Variants in UBE2E2 observed in about 807,000 individuals in gnomAD.
UBE2E2 encodes ubiquitin conjugating enzyme E2 E2.
Under a neutral mutation model 24.7 loss-of-function variants are expected in UBE2E2, and 6 were observed. The ratio of observed to expected loss-of-function variants is 0.24; its 90% CI spans 0.13 to 0.48. UBE2E2 has a LOEUF of 0.48. Ranked by LOEUF, UBE2E2 falls within the 20% of genes least tolerant of loss-of-function variation. The pLI, the probability that UBE2E2 is intolerant of heterozygous loss-of-function variation, is 0.99. For missense variants in UBE2E2, 169 were observed against 245.0 expected (o/e 0.69, Z 2.07); for synonymous variants, 104 against 83.6 (o/e 1.24, Z -1.33).
chr3:23,243,094 AAAAG>A (rs1429013379), intron 3 of UBE2E2, among the ~76,000 whole-genome samples: 27 of 142,474 alleles, frequency 1.9e-4, no homozygotes, highest in East Asian at 7.6e-4. Flanking sequence ...TCAAAAAAAA[AAAAG>A]AAAAGAAAAG....
chr3:23,356,109 C>T (rs1030176921), intron 3 of UBE2E2, among the ~76,000 whole-genome samples: 1 of 152,146 alleles, frequency 6.6e-6, no homozygotes, highest in East Asian at 1.9e-4. Context: ...ACCTGATGCT[C>T]AGTTAAACCT....
chr3:23,395,577 T>C (rs1388186764), intron 3 of UBE2E2, among the ~76,000 whole-genome samples: 9 of 152,222 alleles, frequency 5.9e-5, no homozygotes, highest in Admixed American at 4.6e-4. Context: ...TTCATCCTTC[T>C]GGTTTGTTGA....
intron 3 of UBE2E2, among the ~76,000 whole-genome samples, chr3:23,223,057 T>A (rs1210274802): frequency 1.6e-5 from 2 of 122,888 alleles, no homozygotes; most frequent in African/African-American, 6.1e-5. Context: ...TCTCTCTCTG[T>A]CACTCAGGCT....
chr3:23,372,669 C>CT (rs1309802898), intron 3 of UBE2E2, among the ~76,000 whole-genome samples: 4 of 151,972 alleles, frequency 2.6e-5, no homozygotes, highest in Non-Finnish European at 5.9e-5. Flanking sequence ...AGCTGCTTTT[C>CT]TTTTTTTTCT....
At chr3:23,373,995 G>T (rs1696459163) in intron 3 of UBE2E2, among the ~76,000 whole-genome samples, 1 of 152,094 alleles carries the variant, frequency 6.6e-6, no homozygotes, top group Non-Finnish European at 1.5e-5. Flanking sequence ...TCTTTTGTCA[G>T]GGATTCTTGT....
intron 3 of UBE2E2, among the ~76,000 whole-genome samples, chr3:23,370,952 T>G (rs1696383790): frequency 1.3e-5 from 2 of 152,156 alleles, no homozygotes; most frequent in Non-Finnish European, 2.9e-5. Flanking sequence ...TTTAAAAGAT[T>G]GGGTAGTAGT....
chr3:23,239,537 G>T (rs1697205045), intron 3 of UBE2E2, among the ~76,000 whole-genome samples: 1 of 152,050 alleles, frequency 6.6e-6, no homozygotes, highest in Admixed American at 6.6e-5. Flanking sequence ...ACAAGGTGTG[G>T]CCTTTTATAT....
intron 3 of UBE2E2, among the ~76,000 whole-genome samples, chr3:23,269,897 A>T (rs2125361687): frequency 6.6e-6 from 1 of 152,350 alleles, no homozygotes; most frequent in Non-Finnish European, 1.5e-5. Context: ...CATGTTTCTC[A>T]GCCGTAGCAG....
At chr3:23,467,704 T>C (rs1358248696) in intron 3 of UBE2E2, among the ~76,000 whole-genome samples, 2 of 152,212 alleles carry the variant, frequency 1.3e-5, no homozygotes, top group Admixed American at 1.3e-4. Context: ...TCTAAGTAGC[T>C]ATATTAGTAC....
intron 3 of UBE2E2, among the ~76,000 whole-genome samples, chr3:23,359,505 A>T (rs780901294): frequency 2.6e-5 from 4 of 152,186 alleles, no homozygotes; most frequent in Non-Finnish European, 5.9e-5. Context: ...TAACTTTTTC[A>T]TAATCTCTAT....
chr3:23,553,224 A>T (rs2125499757), intron 5 of UBE2E2, among the ~76,000 whole-genome samples: 1 of 152,258 alleles, frequency 6.6e-6, no homozygotes, highest in South Asian at 2.1e-4. Context: ...TCCCTTTTAT[A>T]GTATGATAGA....
intron 5 of UBE2E2, among the ~76,000 whole-genome samples, chr3:23,585,370 CAAAA>C (rs71620785): frequency 7.0e-5 from 6 of 86,114 alleles, no homozygotes; most frequent in African/African-American, 8.9e-5. Context: ...GACCCTGTCT[CAAAA>C]AAAAAAAAAA....
intron 3 of UBE2E2, among the ~76,000 whole-genome samples, chr3:23,403,988 C>T (rs1697293539): frequency 6.6e-6 from 1 of 152,162 alleles, no homozygotes; most frequent in Non-Finnish European, 1.5e-5. Flanking sequence ...TTCCTGTCTT[C>T]TCCCCATTGC....
At chr3:23,240,918 T>C (rs924561330) in intron 3 of UBE2E2, among the ~76,000 whole-genome samples, 1 of 152,218 alleles carries the variant, frequency 6.6e-6, no homozygotes, top group Non-Finnish European at 1.5e-5. Flanking sequence ...TAGCTACTTA[T>C]ATATTAACAC....
intron 3 of UBE2E2, among the ~76,000 whole-genome samples, chr3:23,420,296 A>G (rs2125390295): frequency 6.6e-6 from 1 of 152,348 alleles, no homozygotes; most frequent in Non-Finnish European, 1.5e-5. Context: ...CAGATTGCCC[A>G]GAAGGAACTC....
intron 3 of UBE2E2, among the ~76,000 whole-genome samples, chr3:23,477,070 T>C (rs1559395798): frequency 6.6e-6 from 1 of 151,526 alleles, no homozygotes; most frequent in Non-Finnish European, 1.5e-5. Context: ...ATACTTAGCA[T>C]GCTGTGGTCA....
At chr3:23,349,570 C>T (rs1348627342) in intron 3 of UBE2E2, among the ~76,000 whole-genome samples, 1 of 152,338 alleles carries the variant, frequency 6.6e-6, no homozygotes, top group Admixed American at 6.5e-5. Context: ...AACGGCGCAC[C>T]AGGAGATTAT....
chr3:23,565,068 A>G (rs942919109), intron 5 of UBE2E2, among the ~76,000 whole-genome samples: 11 of 152,108 alleles, frequency 7.2e-5, no homozygotes, highest in African/African-American at 2.7e-4. Context: ...AAAAAAGTAA[A>G]CAATATACAC....
At chr3:23,535,068 T>C (rs1695219412) in intron 5 of UBE2E2, among the ~76,000 whole-genome samples, 1 of 152,230 alleles carries the variant, frequency 6.6e-6, no homozygotes, top group African/African-American at 2.4e-5. Context: ...CCCATCCTTA[T>C]CAGCATGATA....
Sources: gnomAD v4.1 joint callset for allele counts (sites outside exome capture counted in the v4.1 genomes callset) on GRCh38, gnomAD v4.1.1 for gene constraint, MANE v1.5 for transcripts, NCBI Gene and HGNC (gene_info 2026-07-23, HGNC 2026-07-21) for gene names.